Variants in PDE1C observed in about 807,000 individuals in gnomAD.
The protein encoded by PDE1C is dual specificity calcium/calmodulin-dependent 3',5'-cyclic nucleotide phosphodiesterase 1C.
In PDE1C, 62 loss-of-function variants were observed where a neutral mutation model predicts 93.1. The ratio of observed to expected loss-of-function variants is 0.67; its 90% CI spans 0.54 to 0.82. The LOEUF is 0.82. Ranked by LOEUF, PDE1C falls within the 40% of genes least tolerant of loss-of-function variation. PDE1C has a pLI of 0.00. For synonymous variants in PDE1C, 325 were observed against 310.1 expected, an observed-to-expected ratio of 1.05 and a Z score of -0.50; for missense variants, 742 against 884.6, an observed-to-expected ratio of 0.84 and a Z score of 2.04.
intron 2 of PDE1C, among the ~76,000 whole-genome samples, chr7:31,995,927 C>T (rs73096651): frequency 0.021 from 3,207 of 152,204 alleles, 56 homozygotes; most frequent in Non-Finnish European, 0.035. Flanking sequence ...GAGAGTAGAA[C>T]GACCCTTGGC....
At chr7:32,042,800 T>G (rs188779793) in intron 2 of PDE1C, among the ~76,000 whole-genome samples, 2 of 152,108 alleles carry the variant, frequency 1.3e-5, no homozygotes, top group Non-Finnish European at 2.9e-5. Context: ...CAGCAGAGAG[T>G]GCCCACCATC....
At chr7:31,904,118 C>G (rs2041516) in intron 2 of PDE1C, among the ~76,000 whole-genome samples, 118,557 of 152,026 alleles carry the variant, frequency 0.78, 46,687 homozygotes, top group Admixed American at 0.84. Flanking sequence ...GGTTTCATGA[C>G]TAATCATCCT....
chr7:31,823,132 G>C lies in PDE1C; in HGVS notation c.1523C>G (p.Ala508Gly). 2 of 1,613,332 alleles carry C rather than the reference G, an allele frequency of 1.2e-6. No individual in the cohort carries two copies. The highest frequency in any genetic ancestry group is 1.7e-6 in the Non-Finnish European group (2 of 1,179,532). ...VISVDYKSFKATWTEVVHINR... is the reference protein window; with the variant it reads ...VISVDYKSFKGTWTEVVHINR... ...GATGTGCACCACTTCCGTCCAAGTAGCTTTAAAGCTCTTATAGTCAACGGA... is the reference window on the plus strand; with the variant it reads ...GATGTGCACCACTTCCGTCCAAGTACCTTTAAAGCTCTTATAGTCAACGGA... Residue 508 changes from alanine (A) to glycine (G), a missense_variant, in exon 14 of 18, where the codon GCT becomes GGT. By Grantham distance (60) the Ala-to-Gly change is moderately conservative (BLOSUM62 0). This residue lies in a region of PDE1C where 454 missense variants were observed against 459.4 expected (regional missense o/e 0.99). Coordinates refer to ENST00000396191, the MANE Select transcript of PDE1C (RefSeq NM_001191057.4).
intron 1 of PDE1C, among the ~76,000 whole-genome samples, chr7:32,297,954 A>AAT (rs1491332230): frequency 3.1e-5 from 1 of 32,710 alleles, no homozygotes; most frequent in Non-Finnish European, 5.7e-5. Flanking sequence ...ACTATTGTTC[A>AAT]ATCTCTCTCT....
intron 1 of PDE1C, among the ~76,000 whole-genome samples, chr7:32,359,562 A>T (rs1784095945): frequency 6.6e-6 from 1 of 152,228 alleles, no homozygotes. Flanking sequence ...TGCTCGGTTA[A>T]CATTTATTGA....
intron 3 of PDE1C, among the ~76,000 whole-genome samples, chr7:32,139,324 T>C (rs1056200911): frequency 3.4e-5 from 5 of 146,924 alleles, no homozygotes; most frequent in Admixed American, 3.4e-4. Context: ...TTTTTTTTTT[T>C]TGAGACCAAA....
chr7:32,240,455 A>G (rs1003544), intron 1 of PDE1C, among the ~76,000 whole-genome samples: 150,278 of 152,280 alleles, frequency 0.99, 74,190 homozygotes, highest in Middle Eastern at 1. Context: ...AATATGTCAG[A>G]TGGTGTTGTT....
chr7:31,896,480 C>T (rs938318359), intron 2 of PDE1C, among the ~76,000 whole-genome samples: 7 of 152,166 alleles, frequency 4.6e-5, no homozygotes, highest in Non-Finnish European at 8.8e-5. Context: ...GACAGCTAGC[C>T]TTGTTGAATA....
At chr7:32,293,092 T>C (rs1223048967) in intron 1 of PDE1C, among the ~76,000 whole-genome samples, 3 of 152,120 alleles carry the variant, frequency 2.0e-5, no homozygotes, top group Admixed American at 6.5e-5. Flanking sequence ...ACTCACAGTA[T>C]GATTTCAGGC....
At chr7:32,304,895 C>A (rs565502061) in intron 1 of PDE1C, among the ~76,000 whole-genome samples, 3 of 152,228 alleles carry the variant, frequency 2.0e-5, no homozygotes, top group African/African-American at 7.2e-5. Context: ...TTAACATCGT[C>A]GTCATCACTA....
intron 2 of PDE1C, among the ~76,000 whole-genome samples, chr7:31,906,788 T>A (rs1337087797): frequency 6.6e-6 from 1 of 152,204 alleles, no homozygotes; most frequent in Non-Finnish European, 1.5e-5. Flanking sequence ...ACAAGCTTTT[T>A]AAATACCCAA....
the PDE1C span, among the ~76,000 whole-genome samples, chr7:31,666,276 C>T: frequency 1.3e-5 from 2 of 152,128 alleles, no homozygotes; most frequent in African/African-American, 2.4e-5. Context: ...CTTTATTGGC[C>T]TATGAGAAAT....
chr7:32,144,414 G>A (rs183564536), intron 3 of PDE1C, among the ~76,000 whole-genome samples: 108 of 152,252 alleles, frequency 7.1e-4, no homozygotes, highest in Middle Eastern at 3.4e-3. Flanking sequence ...CCACAGATAG[G>A]TTTTGATTGA....
At position 32,146,623 on chromosome 7, in the gene PDE1C, C is replaced by A. The variant is rs549079105; in HGVS notation, c.308+23162G>T. 2.6e-5 allele frequency among the ~76,000 whole-genome samples: 4 copies of A among 152,192 alleles called. No homozygotes were observed. In the East Asian group the frequency reaches 5.8e-4, roughly 22 times the overall value. On this transcript the variant is annotated intron_variant, in intron 3 of 18. Transcript: ENST00000396193. ...CTTAACCTAAATACATCTGCAAAGA[C>A]CCTTTTTGCCATGTGAGGGAACACA...
chr7:32,387,530 G>A (rs1182966185), intron 1 of PDE1C, among the ~76,000 whole-genome samples: 3 of 148,518 alleles, frequency 2.0e-5, no homozygotes, highest in Non-Finnish European at 3.0e-5. Flanking sequence ...CCTCCCGGAC[G>A]GGGCGGCTGG....
chr7:32,299,374 A>T, upstream of PDE1C: 1 of 985,692 alleles, frequency 1.0e-6, no homozygotes, highest in Non-Finnish European at 1.2e-6. Flanking sequence ...TGCCCCCAGC[A>T]CTGGCCTGGA....
At chr7:31,847,273 T>C (rs893960227) in intron 9 of PDE1C, among the ~76,000 whole-genome samples, 3 of 152,148 alleles carry the variant, frequency 2.0e-5, no homozygotes, top group African/African-American at 7.2e-5. Flanking sequence ...TGTAAAGATA[T>C]TGAGTCACTT....
At chr7:32,411,312 T>C (rs758134745) in intron 1 of PDE1C, among the ~76,000 whole-genome samples, 1 of 152,228 alleles carries the variant, frequency 6.6e-6, no homozygotes, top group Admixed American at 6.5e-5. Flanking sequence ...ATGAACATCA[T>C]AGAGTGCACT....
At position 31,846,233 on chromosome 7, in the gene PDE1C, CTT is replaced by C. The variant is rs371624212; in HGVS notation, c.980+1733_980+1734del. On this transcript the variant is annotated intron_variant, in intron 9 of 17. Coordinates refer to ENST00000396191, the MANE Select transcript of PDE1C (RefSeq NM_001191057.4). ...CATACTTTTACTTTTCTTTTTTTTT[CTT>C]TTTTTTTTTTTTTTGAGACGGAGTC... 2.6e-3 allele frequency among the ~76,000 whole-genome samples: 341 copies of C among 129,904 alleles called. 1 individual carries two copies. Among genetic ancestry groups the C allele is most frequent in the African/African-American group, 8.7e-3 (303 of 34,990 alleles). 85.2% of individuals were successfully genotyped at this position (129,904 alleles called of 152,430 possible).
Sources: gnomAD v4.1 joint callset for allele counts (sites outside exome capture counted in the v4.1 genomes callset) on GRCh38, gnomAD v4.1.1 for gene constraint, gnomAD v4.1.1 regional missense constraint, MANE v1.5 for transcripts, NCBI Gene and HGNC (gene_info 2026-07-23, HGNC 2026-07-21) for gene names.